ZNRF2: variants seen among roughly 807,000 people sequenced by gnomAD.
ZNRF2 encodes the protein E3 ubiquitin-protein ligase ZNRF2.
In ZNRF2, 16 loss-of-function variants were observed where a neutral mutation model predicts 20.4. The ratio of observed to expected loss-of-function variants is 0.79; its 90% CI spans 0.53 to 1.19. The LOEUF (loss-of-function observed/expected upper bound fraction) is 1.19. Among genes scored for constraint, ZNRF2 ranks in the 50% most tolerant of loss-of-function variants. The pLI is 0.00. For synonymous variants in ZNRF2, 178 were observed against 144.9 expected (o/e 1.23, Z -1.64); for missense variants, 363 against 332.4 (o/e 1.09, Z -0.72).
intron 2 of ZNRF2, among the ~76,000 whole-genome samples, chr7:30,324,977 T>C (rs1366910097): frequency 6.6e-6 from 1 of 152,208 alleles, no homozygotes; most frequent in Admixed American, 6.5e-5. Flanking sequence ...TCCTCCCATA[T>C]ACAAATTTAG....
chr7:30,348,174 T>TAAAAAAAAAAAAAAAAAAAAAAAAAAA (rs551400861), intron 2 of ZNRF2, among the ~76,000 whole-genome samples: 1 of 114,920 alleles, frequency 8.7e-6, no homozygotes, highest in Non-Finnish European at 1.9e-5. Flanking sequence ...TTAAAAATGT[T>TAAAAAAAAAAAAAAAAAAAAAAAAAAA]AAAAAAAAAA....
At chr7:30,292,959 T>C (rs915243626) in intron 1 of ZNRF2, among the ~76,000 whole-genome samples, 1 of 152,112 alleles carries the variant, frequency 6.6e-6, no homozygotes, top group African/African-American at 2.4e-5. Flanking sequence ...TTTAAAGGAT[T>C]ACTCTGGCTA....
intron 2 of ZNRF2, among the ~76,000 whole-genome samples, chr7:30,335,089 A>T (rs1216089960): frequency 6.6e-6 from 1 of 152,172 alleles, no homozygotes; most frequent in Non-Finnish European, 1.5e-5. Context: ...AGAAAGCCTG[A>T]AGTAGGATTG....
intron 3 of ZNRF2, among the ~76,000 whole-genome samples, chr7:30,359,193 C>A (rs547964241): frequency 6.6e-6 from 1 of 152,080 alleles, no homozygotes; most frequent in African/African-American, 2.4e-5. Context: ...GAAAGAAAAT[C>A]GTGGAAATGT....
Position 30,323,661 on chromosome 7 carries a change from C to G in ZNRF2, c.489C>G (p.Cys163Trp). The change falls in exon 2 of 5, where the codon TGC becomes TGG. Residue 163 changes from cysteine (C) to tryptophan (W), a missense_variant. By Grantham distance (215) the Cys-to-Trp change is radical (BLOSUM62 -2). Coordinates refer to ENST00000323037, the MANE Select transcript of ZNRF2 (RefSeq NM_147128.4). ...TTTTAGGATTTAAGTGCCCTGTATG[C>G]TCAAAATTTGTATCCTCAGATGAAA... Reference protein sequence around the residue: ...HMFGGFKCPVCSKFVSSDEMD... With the variant: ...HMFGGFKCPVWSKFVSSDEMD... The G allele has an allele frequency of 6.2e-7, 1 of 1,600,214 alleles. No homozygotes were observed. The highest frequency in any genetic ancestry group is 8.5e-7 in the Non-Finnish European group (1 of 1,175,086).
At chr7:30,303,954 C>A (rs1008648287) in intron 1 of ZNRF2, among the ~76,000 whole-genome samples, 25 of 152,144 alleles carry the variant, frequency 1.6e-4, no homozygotes, top group Admixed American at 6.5e-4. Context: ...GTTCCAGATT[C>A]TCATTGGTGA....
chr7:30,323,544 A>G, intron 1 of ZNRF2, 98 bp from the exon 2 acceptor site: 1 of 750,106 alleles, frequency 1.3e-6, no homozygotes, highest in Non-Finnish European at 2.1e-6. Flanking sequence ...TAAGTGTAAT[A>G]TTGAAGTTTC....
intron 2 of ZNRF2, among the ~76,000 whole-genome samples, chr7:30,348,619 C>G (rs1479036450): frequency 1.3e-5 from 2 of 152,168 alleles, no homozygotes; most frequent in Non-Finnish European, 1.5e-5. Flanking sequence ...TCTGGCCACC[C>G]TGGGCCTTTA....
chr7:30,350,639 A>G (rs1330308207), intron 2 of ZNRF2, among the ~76,000 whole-genome samples: 3 of 152,204 alleles, frequency 2.0e-5, no homozygotes, highest in Non-Finnish European at 2.9e-5. Flanking sequence ...TTTTATACGT[A>G]TAAGAGATAA....
intron 2 of ZNRF2, among the ~76,000 whole-genome samples, chr7:30,337,906 C>T (rs896065539): frequency 1.3e-5 from 2 of 152,108 alleles, no homozygotes; most frequent in African/African-American, 4.8e-5. Flanking sequence ...GCCAGTACTA[C>T]CAGTTTCTTG....
chr7:30,335,007 TA>T (rs368434255), intron 2 of ZNRF2, among the ~76,000 whole-genome samples: 381 of 149,662 alleles, frequency 2.5e-3, no homozygotes, highest in African/African-American at 9.2e-3. Flanking sequence ...CTTTATGGGT[TA>T]TTTTAAAAGA....
chr7:30,330,030 T>C (rs980788848), intron 2 of ZNRF2, among the ~76,000 whole-genome samples: 14 of 152,374 alleles, frequency 9.2e-5, no homozygotes, highest in African/African-American at 3.1e-4. Context: ...ATTGTAGCTT[T>C]GATGTAGCAA....
chr7:30,310,689 C>G (rs932787522), intron 1 of ZNRF2, among the ~76,000 whole-genome samples: 2 of 152,142 alleles, frequency 1.3e-5, no homozygotes, highest in African/African-American at 4.8e-5. Flanking sequence ...CCACAGTTGG[C>G]CTGCAGACCT....
At chr7:30,345,691 T>C (rs1271029975) in intron 2 of ZNRF2, among the ~76,000 whole-genome samples, 1 of 152,134 alleles carries the variant, frequency 6.6e-6, no homozygotes, top group Non-Finnish European at 1.5e-5. Flanking sequence ...TTAAACATGG[T>C]TATTTTATTC....
chr7:30,363,922 A>G (rs1236401377), intron 4 of ZNRF2, among the ~76,000 whole-genome samples: 1 of 152,228 alleles, frequency 6.6e-6, no homozygotes, highest in Non-Finnish European at 1.5e-5. Flanking sequence ...AGAGCATTTT[A>G]GCTAATCCTA....
At chr7:30,333,733 A>G (rs1359613822) in intron 2 of ZNRF2, among the ~76,000 whole-genome samples, 2 of 152,022 alleles carry the variant, frequency 1.3e-5, no homozygotes, top group African/African-American at 4.8e-5. Context: ...TGTGGTTTTG[A>G]TTTGGATTTA....
chr7:30,330,832 C>CA (rs1255270328), intron 2 of ZNRF2, among the ~76,000 whole-genome samples: 1 of 151,842 alleles, frequency 6.6e-6, no homozygotes, highest in African/African-American at 2.4e-5. Flanking sequence ...TCTAAGTTAT[C>CA]GCTGCTTGAG....
At chr7:30,315,591 T>C (rs1186330333) in intron 1 of ZNRF2, among the ~76,000 whole-genome samples, 1 of 152,052 alleles carries the variant, frequency 6.6e-6, no homozygotes, top group African/African-American at 2.4e-5. Flanking sequence ...TGGGAGTAAT[T>C]ACAGTGAACA....
intron 2 of ZNRF2, among the ~76,000 whole-genome samples, chr7:30,338,430 C>G (rs1261614615): frequency 7.0e-6 from 1 of 142,652 alleles, no homozygotes; most frequent in African/African-American, 2.7e-5. Context: ...CTAGCCCCCC[C>G]CCACCCCCCA....
Sources: allele counts gnomAD v4.1 joint callset (sites outside exome capture counted in the v4.1 genomes callset), GRCh38; gene constraint gnomAD v4.1.1; transcripts MANE v1.5; gene names NCBI Gene and HGNC (gene_info 2026-07-23, HGNC 2026-07-21).